KLHL29: variants seen among roughly 807,000 people sequenced by gnomAD.
The protein encoded by KLHL29 is kelch like family member 29.
In KLHL29, 21 loss-of-function variants were observed where a neutral mutation model predicts 80.4. The observed-to-expected ratio is 0.26, with a 90% CI of 0.19 to 0.38. The LOEUF is 0.38. KLHL29 is among the 10% of genes least tolerant of loss of function. The pLI is 1.00. For missense variants in KLHL29, 867 were observed against 1,223.9 expected, an observed-to-expected ratio of 0.71 and a Z score of 4.35; for synonymous variants, 511 against 526.8, an observed-to-expected ratio of 0.97 and a Z score of 0.41.
At chr2:23,417,452 C>T (rs1053175557) in intron 1 of KLHL29, among the ~76,000 whole-genome samples, 1 of 152,174 alleles carries the variant, frequency 6.6e-6, no homozygotes, top group Non-Finnish European at 1.5e-5. Context: ...GCACATGTCA[C>T]CAAACTTACA....
intron 11 of KLHL29, among the ~76,000 whole-genome samples, chr2:23,699,384 A>AGAT (rs757120431): frequency 2.6e-5 from 4 of 152,330 alleles, no homozygotes; most frequent in South Asian, 4.1e-4. Flanking sequence ...GGTGGGCGGT[A>AGAT]GATGTGTCCC....
chr2:23,670,999 T>TCCCC (rs1205830192), intron 5 of KLHL29, among the ~76,000 whole-genome samples: 1 of 26,686 alleles, frequency 3.7e-5, no homozygotes, highest in Non-Finnish European at 6.1e-5. Context: ...CCTCCCTCCC[T>TCCCC]CCCCCCCCCC....
Position 23,696,246 on chromosome 2 carries a change from G to T in KLHL29, c.1925-87G>T. ...CAGAAGTGTCTACTTTGCAGGTGAA[G>T]CCTTCCTCTGCCCCTGGGGCTGGGC... On this transcript the variant is annotated intron_variant, in intron 10 of 13. Coordinates refer to ENST00000486442, the MANE Select transcript of KLHL29 (RefSeq NM_052920.2). This position sits in a 1 kb window ranked among gnomAD's most constrained non-coding sequence, Gnocchi z 5.5. 6.7e-7 allele frequency: 1 copy of T among 1,490,922 alleles called. No individual in the cohort carries two copies. The highest frequency in any genetic ancestry group is 2.0e-5 in the Admixed American group (1 of 49,392). 92.4% of individuals were successfully genotyped at this position (1,490,922 alleles called of 1,614,324 possible). A position where few individuals can be genotyped will look rare whatever the true frequency, so the allele number is the denominator to read the frequency against.
At chr2:23,574,996 T>C (rs1667807756) in intron 3 of KLHL29, among the ~76,000 whole-genome samples, 1 of 151,748 alleles carries the variant, frequency 6.6e-6, no homozygotes, top group Admixed American at 6.6e-5. Context: ...CCTGGGAAAA[T>C]GTGGAGTCAG....
intron 1 of KLHL29, among the ~76,000 whole-genome samples, chr2:23,392,490 T>C (rs1361476727): frequency 1.3e-5 from 2 of 152,224 alleles, no homozygotes; most frequent in African/African-American, 4.8e-5. Flanking sequence ...ACCAAACCTT[T>C]ATTAAGCCCC....
chr2:23,410,844 A>G (rs1457603775), intron 1 of KLHL29, among the ~76,000 whole-genome samples: 1 of 151,406 alleles, frequency 6.6e-6, no homozygotes, highest in Admixed American at 6.6e-5. Context: ...CCATCTGTAA[A>G]CTCTTGCTTA....
chr2:23,545,563 G>A (rs946089568), intron 2 of KLHL29, among the ~76,000 whole-genome samples: 1 of 152,342 alleles, frequency 6.6e-6, no homozygotes, highest in Middle Eastern at 3.4e-3. Flanking sequence ...GGAGAGAGAT[G>A]CAGGCACCAC....
intron 1 of KLHL29, among the ~76,000 whole-genome samples, chr2:23,445,956 A>T (rs185583645): frequency 1.3e-5 from 2 of 152,312 alleles, no homozygotes; most frequent in East Asian, 3.9e-4. Context: ...TTCCTTTCAG[A>T]GAATTTCTAA....
At chr2:23,516,430 A>G (rs1407964626) in intron 2 of KLHL29, among the ~76,000 whole-genome samples, 1 of 152,112 alleles carries the variant, frequency 6.6e-6, no homozygotes, top group African/African-American at 2.4e-5. Flanking sequence ...TACACTAGCC[A>G]AGCTCGCCCC....
At chr2:23,500,600 G>A (rs1320481844) in intron 2 of KLHL29, among the ~76,000 whole-genome samples, 2 of 152,182 alleles carry the variant, frequency 1.3e-5, no homozygotes, top group Non-Finnish European at 2.9e-5. Flanking sequence ...TATGTGATGG[G>A]CAACCAACTG....
chr2:23,693,034 C>G lies in KLHL29; in HGVS notation c.1283-235C>G, dbSNP rs527668085. On this transcript the variant is annotated intron_variant, in intron 7 of 13. Transcript: ENST00000486442. ...CCAGTCTCGGTCCTTCTGCCAGGAC[C>G]TGTGCGCACAGAGGGAGGCCCCTGG... 8.1e-4 allele frequency among the ~76,000 whole-genome samples: 124 copies of G among 152,272 alleles called. 1 individual carries two copies. Among genetic ancestry groups the G allele is most frequent in the African/African-American group, 2.9e-3 (120 of 41,550 alleles).
intron 2 of KLHL29, among the ~76,000 whole-genome samples, chr2:23,502,944 G>T (rs1665496402): frequency 6.6e-6 from 1 of 152,210 alleles, no homozygotes; most frequent in African/African-American, 2.4e-5. Flanking sequence ...ACTCAGGTCT[G>T]TTGGGGATGG....
chr2:23,406,344 GA>G (rs1302111003), intron 1 of KLHL29, among the ~76,000 whole-genome samples: 3 of 56,236 alleles, frequency 5.3e-5, no homozygotes, highest in East Asian at 1.1e-3. Flanking sequence ...AAAAAAAAAA[GA>G]AAAGAAAACA....
At chr2:23,650,469 C>T (rs528378453) in intron 5 of KLHL29, among the ~76,000 whole-genome samples, 4 of 152,294 alleles carry the variant, frequency 2.6e-5, no homozygotes, top group South Asian at 2.1e-4. Flanking sequence ...ATGCTTGGCA[C>T]GCCAAGCCCG....
chr2:23,601,633 A>G (rs946745539), intron 3 of KLHL29, among the ~76,000 whole-genome samples: 2 of 152,196 alleles, frequency 1.3e-5, no homozygotes, highest in Non-Finnish European at 2.9e-5. Flanking sequence ...GCAAACATCA[A>G]CGTGTTCCTT....
chr2:23,416,769 C>CT (rs1457266198), intron 1 of KLHL29, among the ~76,000 whole-genome samples: 1 of 152,206 alleles, frequency 6.6e-6, no homozygotes, highest in Non-Finnish European at 1.5e-5. Flanking sequence ...TCTGCCCCTC[C>CT]TGGGGCTCCA....
chr2:23,616,852 G>A (rs1332488525), intron 3 of KLHL29: 1 of 152,212 alleles, frequency 6.6e-6, no homozygotes, highest in South Asian at 2.1e-4. Flanking sequence ...CTCAGACCTC[G>A]GCGGGCAGCG....
intron 1 of KLHL29, among the ~76,000 whole-genome samples, chr2:23,443,779 G>C (rs1490588052): frequency 6.6e-6 from 1 of 152,200 alleles, no homozygotes; most frequent in African/African-American, 2.4e-5. Flanking sequence ...TTAATCATTA[G>C]GTTAAAGGGA....
intron 1 of KLHL29, among the ~76,000 whole-genome samples, chr2:23,452,346 T>C (rs529475920): frequency 3.7e-4 from 56 of 152,134 alleles, no homozygotes; most frequent in South Asian, 8.3e-4. Context: ...TCTCATGAAC[T>C]GAGTAAGAAC....
Sources: allele counts gnomAD v4.1 joint callset (sites outside exome capture counted in the v4.1 genomes callset), GRCh38; gene constraint gnomAD v4.1.1; non-coding constraint Gnocchi (gnomAD v3.1); transcripts MANE v1.5; gene names NCBI Gene and HGNC (gene_info 2026-07-23, HGNC 2026-07-21).